TDRP: variants seen among roughly 807,000 people sequenced by gnomAD.
TDRP encodes testis development related protein, also known as testis development-related protein.
TDRP carries 12 observed loss-of-function variants against 10.5 expected under a neutral mutation model. The ratio of observed to expected loss-of-function variants is 1.15; its 90% CI spans 0.73 to 1.86. TDRP has a LOEUF of 1.86. Ranked by LOEUF, TDRP falls within the 40% of genes most tolerant of loss-of-function variation. The pLI, the probability that TDRP is intolerant of heterozygous loss-of-function variation, is 0.00. For synonymous variants in TDRP, 139 were observed against 95.4 expected (o/e 1.46, Z -2.67); for missense variants, 353 against 229.2 (o/e 1.54, Z -3.49).
chr8:498,547 G>C (rs1400147655), intron 1 of TDRP, among the ~76,000 whole-genome samples: 2 of 152,158 alleles, frequency 1.3e-5, no homozygotes, highest in African/African-American at 2.4e-5. Flanking sequence ...GACTTACCTT[G>C]TCTTAGATGA....
intron 1 of TDRP, among the ~76,000 whole-genome samples, chr8:520,725 G>A (rs1207565208): frequency 1.3e-5 from 2 of 152,112 alleles, no homozygotes; most frequent in East Asian, 1.9e-4. Flanking sequence ...TATGCTTATA[G>A]GTCATTTGTG....
intron 1 of TDRP, among the ~76,000 whole-genome samples, chr8:497,985 C>T (rs1246032726): frequency 6.6e-6 from 1 of 152,176 alleles, no homozygotes; most frequent in African/African-American, 2.4e-5. Context: ...GGAGCCTCTG[C>T]CTCGATTTCA....
chr8:509,651 G>A (rs1801557828), intron 1 of TDRP, among the ~76,000 whole-genome samples: 1 of 152,154 alleles, frequency 6.6e-6, no homozygotes. Context: ...CCAGGCCTGT[G>A]ATGGGAGGGG....
At chr8:500,211 A>G (rs1206029712) in intron 1 of TDRP, among the ~76,000 whole-genome samples, 1 of 152,232 alleles carries the variant, frequency 6.6e-6, no homozygotes, top group Non-Finnish European at 1.5e-5. Context: ...GTTGTAAAAA[A>G]GTGCTTCATG....
intron 1 of TDRP, among the ~76,000 whole-genome samples, chr8:508,327 T>C (rs961818310): frequency 6.6e-6 from 1 of 152,232 alleles, no homozygotes; most frequent in Admixed American, 6.5e-5. Context: ...TGTGTATTAG[T>C]TCATTTTCAC....
chr8:539,601 T>C (rs1253211877), intron 1 of TDRP, among the ~76,000 whole-genome samples: 1 of 152,192 alleles, frequency 6.6e-6, no homozygotes, highest in African/African-American at 2.4e-5. Flanking sequence ...TAATGTCTGC[T>C]TAAGAAAACA....
intron 1 of TDRP, among the ~76,000 whole-genome samples, chr8:526,275 G>C (rs940622103): frequency 6.6e-6 from 1 of 152,162 alleles, no homozygotes; most frequent in African/African-American, 2.4e-5. Flanking sequence ...TAGAATTACA[G>C]ATGTGAGCCA....
At chr8:515,261 A>G (rs1393856000) in intron 1 of TDRP, among the ~76,000 whole-genome samples, 2 of 152,158 alleles carry the variant, frequency 1.3e-5, no homozygotes, top group African/African-American at 4.8e-5. Flanking sequence ...GTAACTGCTC[A>G]CTTAGCAATC....
intron 1 of TDRP, among the ~76,000 whole-genome samples, chr8:523,642 A>G (rs1801961956): frequency 6.6e-6 from 1 of 152,164 alleles, no homozygotes; most frequent in Non-Finnish European, 1.5e-5. Context: ...TTGAGTTAAC[A>G]TCGGCAATAG....
Position 491,685 on chromosome 8 carries a change from G to A in TDRP, c.*714C>T, listed in dbSNP as rs930059089. On this transcript the variant is annotated 3_prime_UTR_variant, in exon 3 of 3. Coordinates refer to ENST00000324079, the MANE Select transcript of TDRP (RefSeq NM_001384899.1). ...ACTTCTTTAATCTGTAAACAAAAAA[G>A]AGAGCAAATGTTTTAAGAAAATAAA... 1 of 1,498,840 alleles carries A rather than the reference G, an allele frequency of 6.7e-7. No homozygotes were observed. The highest frequency in any genetic ancestry group is 1.4e-5 in the African/African-American group (1 of 70,844). 92.8% of individuals were successfully genotyped at this position (1,498,840 alleles called of 1,614,324 possible).
At chr8:500,155 G>A (rs1028018700) in intron 1 of TDRP, among the ~76,000 whole-genome samples, 1 of 152,320 alleles carries the variant, frequency 6.6e-6, no homozygotes, top group South Asian at 2.1e-4. Context: ...GTAAGTTCCT[G>A]CACAAAACAA....
intron 1 of TDRP, among the ~76,000 whole-genome samples, chr8:514,474 A>C (rs539061915): frequency 6.6e-6 from 1 of 152,126 alleles, no homozygotes; most frequent in African/African-American, 2.4e-5. Flanking sequence ...CAACCACAAA[A>C]CTGGGGACAG....
rs1334303079 is a variant in TDRP at position 491,633 on chromosome 8, A to G, written c.*766T>C. ...AGCAAGACAATGTTTCCTAAATGAA[A>G]TTATCAACTGACTAAAATTGATCCA... On this transcript the variant is annotated 3_prime_UTR_variant, in exon 3 of 3. Transcript: ENST00000324079. 3 of 1,532,194 alleles carry G rather than the reference A, an allele frequency of 2.0e-6. No homozygotes were observed. In the Admixed American group the frequency reaches 6.0e-5, roughly 31 times the overall value. The allele number at this position is 1,532,194 out of a possible 1,614,324, so 94.9% of individuals were successfully genotyped here. A position where few individuals can be genotyped will look rare whatever the true frequency, so the allele number is the denominator to read the frequency against.
rs1332874559 is a variant in TDRP, at chr8:531,589, T to C, written c.108+13061A>G. On this transcript the variant is annotated intron_variant, in intron 1 of 2. Transcript: ENST00000324079. ...GGACACTTTTTATCTACGACAAAAATGAAAAGGCGTAAGGATGCCATCTTT... is the reference window on the plus strand; with the variant it reads ...GGACACTTTTTATCTACGACAAAAACGAAAAGGCGTAAGGATGCCATCTTT... Among the ~76,000 whole-genome samples the C allele has an allele frequency of 3.3e-5, 5 of 152,192 alleles. No homozygotes were observed. The East Asian group carries it at 9.6e-4, about 29-fold the overall frequency.
At chr8:516,704 A>G (rs558824821) in intron 1 of TDRP, among the ~76,000 whole-genome samples, 1 of 152,286 alleles carries the variant, frequency 6.6e-6, no homozygotes, top group Non-Finnish European at 1.5e-5. Flanking sequence ...GTTTCTTATA[A>G]AACTAAACAC....
At chr8:523,834 G>A (rs902901644) in intron 1 of TDRP, among the ~76,000 whole-genome samples, 21 of 152,122 alleles carry the variant, frequency 1.4e-4, no homozygotes, top group Non-Finnish European at 1.8e-4. Context: ...CCTGGCTCCT[G>A]GACAGCATCC....
Position 492,547 on chromosome 8 carries a change from T to C in TDRP, c.410A>G (p.Glu137Gly), listed in dbSNP as rs1299741343. The C allele has an allele frequency of 6.2e-7, 1 of 1,612,250 alleles. No homozygotes were observed. ...CTTGGTCGAGCCCTTGGCGTCATCC[T>C]CCCAGCCTGACCAGGATGGGTGGCC... ...VGGHPSWSGW[E>G]DDAKGSTKYT... Residue 137 changes from glutamate (E) to glycine (G), a missense_variant, in exon 3 of 3, where the codon GAG becomes GGG. Glu to Gly is a moderately conservative substitution (Grantham distance 98). Coordinates refer to ENST00000324079, the MANE Select transcript of TDRP (RefSeq NM_001384899.1).
chr8:500,746 A>T (rs548005826), intron 1 of TDRP, among the ~76,000 whole-genome samples: 1 of 152,186 alleles, frequency 6.6e-6, no homozygotes, highest in Admixed American at 6.5e-5. Flanking sequence ...CCCTGGGAGA[A>T]AGCCTCCAGG....
At chr8:520,132 A>T (rs949508435) in intron 1 of TDRP, among the ~76,000 whole-genome samples, 2 of 152,232 alleles carry the variant, frequency 1.3e-5, no homozygotes, top group Non-Finnish European at 2.9e-5. Flanking sequence ...AAACATTTTA[A>T]AACACGGTTT....
Sources: allele counts gnomAD v4.1 joint callset (sites outside exome capture counted in the v4.1 genomes callset), GRCh38; gene constraint gnomAD v4.1.1; transcripts MANE v1.5; gene names NCBI Gene and HGNC (gene_info 2026-07-23, HGNC 2026-07-21).